UNC13C: variants seen among roughly 807,000 people sequenced by gnomAD.
UNC13C encodes unc-13 homolog C.
In UNC13C, 174 loss-of-function variants were observed where a neutral mutation model predicts 245.4. The observed-to-expected ratio is 0.71, with a 90% CI of 0.63 to 0.80. The LOEUF is 0.80. UNC13C is among the 30% of genes least tolerant of loss of function. The pLI is 0.00. For missense variants in UNC13C, 2,829 were observed against 2,602.9 expected (o/e 1.09, Z -1.89); for synonymous variants, 992 against 895.1 (o/e 1.11, Z -1.93).
chr15:54,406,127 A>G (rs1211192419), intron 18 of UNC13C, among the ~76,000 whole-genome samples: 1 of 152,204 alleles, frequency 6.6e-6, no homozygotes, highest in Non-Finnish European at 1.5e-5. Flanking sequence ...GAGACTTCAA[A>G]GGAAATAAAG....
intron 3 of UNC13C, 92 bp from the exon 4 acceptor site, chr15:54,143,528 G>A (rs563450021): frequency 1.1e-6 from 1 of 947,094 alleles, no homozygotes; most frequent in African/African-American, 1.6e-5. Context: ...TACGTGTGTA[G>A]TGCAGCTGAC....
chr15:53,919,098 A>G, the UNC13C span, among the ~76,000 whole-genome samples: 2 of 152,102 alleles, frequency 1.3e-5, no homozygotes, highest in African/African-American at 4.8e-5. Context: ...AGTTTTGCAG[A>G]CTCACATTTT....
intron 17 of UNC13C, among the ~76,000 whole-genome samples, chr15:54,390,492 A>G (rs1567233579): frequency 6.6e-6 from 1 of 152,032 alleles, no homozygotes. Flanking sequence ...TTCTTCAATA[A>G]TCTATTAACA....
At chr15:54,258,642 T>G (rs1399348782) in intron 8 of UNC13C, among the ~76,000 whole-genome samples, 4 of 152,186 alleles carry the variant, frequency 2.6e-5, no homozygotes, top group Non-Finnish European at 5.9e-5. Context: ...GTGCTGGGAT[T>G]ACAGATGTGA....
At chr15:53,873,149 A>G in the UNC13C span, among the ~76,000 whole-genome samples, 1 of 145,786 alleles carries the variant, frequency 6.9e-6, no homozygotes, top group African/African-American at 2.5e-5. Context: ...TTTTTTTTTT[A>G]GTGGCTATTG....
chr15:53,856,372 GTT>G, the UNC13C span, among the ~76,000 whole-genome samples: 2 of 131,610 alleles, frequency 1.5e-5, no homozygotes, highest in Non-Finnish European at 1.8e-5. Context: ...TGGTTCTCTA[GTT>G]TTTTTTTGTT....
At chr15:54,395,880 TAGTC>T (rs1313108895) in intron 18 of UNC13C, among the ~76,000 whole-genome samples, 2 of 151,826 alleles carry the variant, frequency 1.3e-5, no homozygotes, top group Non-Finnish European at 3.0e-5. Flanking sequence ...TTTATACATG[TAGTC>T]AGTGTTTGTT....
chr15:54,055,740 G>T (rs181277423), intron 2 of UNC13C, among the ~76,000 whole-genome samples: 2 of 152,068 alleles, frequency 1.3e-5, no homozygotes, highest in Non-Finnish European at 2.9e-5. Flanking sequence ...TTGTTTTCTA[G>T]AAAGACATTG....
intron 7 of UNC13C, among the ~76,000 whole-genome samples, chr15:54,249,587 A>G (rs2036087840): frequency 6.6e-6 from 1 of 152,142 alleles, no homozygotes; most frequent in African/African-American, 2.4e-5. Flanking sequence ...TCTCCTACCT[A>G]CTTGTTCAAT....
chr15:54,322,902 G>A (rs1012674367), intron 14 of UNC13C, among the ~76,000 whole-genome samples: 1 of 152,094 alleles, frequency 6.6e-6, no homozygotes, highest in Non-Finnish European at 1.5e-5. Context: ...GACATGGACA[G>A]GGAGGGAAGG....
intron 17 of UNC13C, among the ~76,000 whole-genome samples, chr15:54,386,655 A>G (rs904933983): frequency 1.3e-5 from 2 of 152,202 alleles, no homozygotes; most frequent in Non-Finnish European, 2.9e-5. Context: ...TTGTTGATGC[A>G]GAGATTGTGG....
At chr15:54,250,764 T>TCTTTCTTTCTTTCTTTC (rs2036129626) in intron 8 of UNC13C, among the ~76,000 whole-genome samples, 8 of 133,892 alleles carry the variant, frequency 6.0e-5, no homozygotes, top group African/African-American at 2.3e-4. Context: ...TTTTTTTTTT[T>TCTTTCTTTCTTTCTTTC]TTTTTTTTTT....
intron 19 of UNC13C, among the ~76,000 whole-genome samples, chr15:54,424,128 A>G (rs1485052833): frequency 6.6e-6 from 1 of 151,876 alleles, no homozygotes; most frequent in East Asian, 1.9e-4. Flanking sequence ...TGGAACTTGT[A>G]AATTTGGCTG....
chr15:54,226,402 G>C (rs1256738765), intron 4 of UNC13C, among the ~76,000 whole-genome samples: 3 of 152,170 alleles, frequency 2.0e-5, no homozygotes, highest in African/African-American at 7.2e-5. Flanking sequence ...TGTACCTCTG[G>C]TAGAATTCAG....
intron 29 of UNC13C, among the ~76,000 whole-genome samples, chr15:54,567,363 A>T (rs1475612901): frequency 6.6e-6 from 1 of 152,170 alleles, no homozygotes; most frequent in Non-Finnish European, 1.5e-5. Context: ...CCTGACCTAG[A>T]ATCTCAAACT....
intron 4 of UNC13C, among the ~76,000 whole-genome samples, chr15:54,153,788 G>A (rs1897060): frequency 0.98 from 149,210 of 152,140 alleles, 73,239 homozygotes; most frequent in Middle Eastern, 1. Context: ...GAAAAATATG[G>A]CCTAGATAAA....
chr15:54,095,875 G>T (rs1361222017), intron 2 of UNC13C, among the ~76,000 whole-genome samples: 2 of 152,206 alleles, frequency 1.3e-5, no homozygotes, highest in Non-Finnish European at 2.9e-5. Flanking sequence ...AGAGGGGAAA[G>T]ATTATTTTAT....
intron 26 of UNC13C, among the ~76,000 whole-genome samples, chr15:54,544,783 C>T (rs760440345): frequency 4.6e-5 from 7 of 152,058 alleles, no homozygotes; most frequent in Non-Finnish European, 8.8e-5. Flanking sequence ...AACCACTACT[C>T]AAGGAAATAA....
intron 28 of UNC13C, among the ~76,000 whole-genome samples, chr15:54,553,400 T>G (rs1235524832): frequency 7.7e-6 from 1 of 130,056 alleles, no homozygotes; most frequent in African/African-American, 2.8e-5. Context: ...GTATATTATA[T>G]TATATATTGT....
Sources: gnomAD v4.1 joint callset for allele counts (sites outside exome capture counted in the v4.1 genomes callset) on GRCh38, gnomAD v4.1.1 for gene constraint, MANE v1.5 for transcripts, NCBI Gene and HGNC (gene_info 2026-07-23, HGNC 2026-07-21) for gene names.